MAN2A1: variants seen among roughly 807,000 people sequenced by gnomAD.
The protein encoded by MAN2A1 is alpha-mannosidase 2.
In MAN2A1, 76 loss-of-function variants were observed where a neutral mutation model predicts 142.6. That is an observed-to-expected ratio of 0.53 (90% CI 0.44 to 0.65). MAN2A1 has a LOEUF of 0.65. MAN2A1 is among the 30% of genes least tolerant of loss of function. The pLI is 0.00. For synonymous variants in MAN2A1, 559 were observed against 473.2 expected (o/e 1.18, Z -2.35); for missense variants, 1,311 against 1,365.1 (o/e 0.96, Z 0.62).
At chr5:109,705,004 A>G (rs1423132395) in intron 1 of MAN2A1, among the ~76,000 whole-genome samples, 3 of 152,092 alleles carry the variant, frequency 2.0e-5, no homozygotes, top group African/African-American at 7.2e-5. Flanking sequence ...CCATTCAGCT[A>G]TCTAATAGTT....
In MAN2A1 at chr5:109,866,939, A is replaced by G. The variant is rs748129604; in HGVS notation, c.3376A>G (p.Ile1126Val). The change falls in exon 22 of 22, where the codon ATA becomes GTA. Residue 1126 changes from isoleucine to valine, a missense_variant. Physicochemically the swap from Ile to Val is conservative, Grantham distance 29 (BLOSUM62 3). This residue lies in a region of MAN2A1 where 890 missense variants were observed against 920.5 expected (regional missense o/e 0.97). Transcript: ENST00000261483. Reference sequence around the variant, plus strand: ...GCATTCACCTCCCGGCACTCAGAATATAAGTGAGATCAACTTGAGTCCAAT... The same window carrying G: ...GCATTCACCTCCCGGCACTCAGAATGTAAGTGAGATCAACTTGAGTCCAAT... ...LMHSPPGTQN[I>V]SEINLSPMEI... 9 of 1,612,908 alleles carry G rather than the reference A, an allele frequency of 5.6e-6. No homozygotes were observed. Among genetic ancestry groups the G allele is most frequent in the East Asian group, 2.2e-5 (1 of 44,792 alleles).
chr5:109,719,063 T>C (rs1751532914), intron 3 of MAN2A1, among the ~76,000 whole-genome samples: 1 of 150,010 alleles, frequency 6.7e-6, no homozygotes, highest in Non-Finnish European at 1.5e-5. Flanking sequence ...GGGCAGGGAT[T>C]GCCCTCGATT....
Position 109,788,993 on chromosome 5 carries a change from T to A in MAN2A1, c.1820T>A (p.Ile607Asn). 1 of 1,607,608 alleles carries A rather than the reference T, an allele frequency of 6.2e-7. No individual in the cohort carries two copies. Among genetic ancestry groups the A allele is most frequent in the Non-Finnish European group, 8.5e-7 (1 of 1,175,332 alleles). ...KIIGNSAFLLILKDKLTYDSY... is the reference protein window; with the variant it reads ...KIIGNSAFLLNLKDKLTYDSY... ...ATTGGAAATTCTGCATTTCTTCTTATTTTGAAGGACAAACTCACATACGAC... is the reference window on the plus strand; with the variant it reads ...ATTGGAAATTCTGCATTTCTTCTTAATTTGAAGGACAAACTCACATACGAC... Residue 607 changes from isoleucine (I) to asparagine (N), a missense_variant, in exon 11 of 22, where the codon ATT (isoleucine) becomes AAT (asparagine). Physicochemically the swap from Ile to Asn is moderately radical, Grantham distance 149. This residue lies in a region of MAN2A1 where 890 missense variants were observed against 920.5 expected (regional missense o/e 0.97). Transcript: ENST00000261483.
intron 20 of MAN2A1, among the ~76,000 whole-genome samples, chr5:109,861,012 C>T (rs932965589): frequency 6.6e-6 from 1 of 152,078 alleles, no homozygotes; most frequent in Non-Finnish European, 1.5e-5. Flanking sequence ...AGCACAAATT[C>T]ATAGCTAGTG....
rs1334217694 is a variant in MAN2A1, at chr5:109,802,814, T to C, written c.1943+13287T>C. 3.9e-5 allele frequency among the ~76,000 whole-genome samples: 6 copies of C among 152,108 alleles called. No homozygotes were observed. The South Asian group carries it at 1.0e-3, about 26-fold the overall frequency. On this transcript the variant is annotated intron_variant, in intron 12 of 21. Transcript: ENST00000261483. ...AGTGTTGTAGCTTCCTAATTATACT[T>C]CAAGCTTCCCTCATCATCTGAATTC... is the stretch of plus-strand genomic sequence containing the variant.
chr5:109,734,635 A>G (rs1752029822), intron 4 of MAN2A1, among the ~76,000 whole-genome samples: 2 of 152,176 alleles, frequency 1.3e-5, no homozygotes, highest in East Asian at 3.9e-4. Context: ...TGTACCCAGT[A>G]GTCATTCAGG....
intron 8 of MAN2A1, among the ~76,000 whole-genome samples, chr5:109,779,283 T>C (rs955354694): frequency 6.6e-5 from 10 of 152,260 alleles, no homozygotes; most frequent in African/African-American, 2.2e-4. Context: ...AAAAACTAAT[T>C]GAAATATTTT....
intron 12 of MAN2A1, among the ~76,000 whole-genome samples, chr5:109,810,682 C>G (rs1177482176): frequency 6.6e-6 from 1 of 152,216 alleles, no homozygotes; most frequent in Non-Finnish European, 1.5e-5. Context: ...CAGCCTCTCC[C>G]TTGCTGAGAA....
At chr5:109,846,543 A>G (rs1249303138) in intron 18 of MAN2A1, among the ~76,000 whole-genome samples, 5 of 152,224 alleles carry the variant, frequency 3.3e-5, no homozygotes, top group African/African-American at 9.6e-5. Flanking sequence ...GAAAATAGTC[A>G]ATAGACACTG....
chr5:109,803,078 A>G (rs1754073164), intron 12 of MAN2A1, among the ~76,000 whole-genome samples: 1 of 152,088 alleles, frequency 6.6e-6, no homozygotes, highest in African/African-American at 2.4e-5. Context: ...CTTTAACAGC[A>G]TAGGATTTTA....
chr5:109,832,161 C>CTTTTTTTTTTTTTTTTTTTTTTTTTT (rs70999945), intron 16 of MAN2A1, among the ~76,000 whole-genome samples: 1 of 51,230 alleles, frequency 2.0e-5, no homozygotes, highest in Non-Finnish European at 3.7e-5. Context: ...AAGGAGTTTT[C>CTTTTTTTTTTTTTTTTTTTTTTTTTT]TTTTTTTTTT....
At chr5:109,762,709 A>G (rs145310768) in intron 5 of MAN2A1, among the ~76,000 whole-genome samples, 40 of 152,294 alleles carry the variant, frequency 2.6e-4, no homozygotes, top group African/African-American at 9.1e-4. Context: ...TATGACTCTT[A>G]GCATGTGATA....
At chr5:109,792,473 A>C (rs982393987) in intron 12 of MAN2A1, among the ~76,000 whole-genome samples, 1 of 152,088 alleles carries the variant, frequency 6.6e-6, no homozygotes, top group Non-Finnish European at 1.5e-5. Flanking sequence ...GAATCTAGCC[A>C]AAAACAGAGC....
At chr5:109,723,725 T>A (rs1237584684) in intron 3 of MAN2A1, among the ~76,000 whole-genome samples, 3 of 152,178 alleles carry the variant, frequency 2.0e-5, no homozygotes, top group Admixed American at 6.5e-5. Context: ...TATTTTTATA[T>A]TTATTTCTCA....
intron 4 of MAN2A1, among the ~76,000 whole-genome samples, chr5:109,748,280 T>C (rs938178862): frequency 1.3e-5 from 2 of 152,196 alleles, no homozygotes; most frequent in Non-Finnish European, 2.9e-5. Flanking sequence ...TCTTCTTATC[T>C]GATAGGTGAA....
chr5:109,703,340 C>G (rs1316015065), intron 1 of MAN2A1, among the ~76,000 whole-genome samples: 1 of 152,126 alleles, frequency 6.6e-6, no homozygotes, highest in African/African-American at 2.4e-5. Context: ...TGGATAGTGC[C>G]TAGTAACCTT....
chr5:109,796,538 A>G (rs942732128), intron 12 of MAN2A1, among the ~76,000 whole-genome samples: 1 of 152,058 alleles, frequency 6.6e-6, no homozygotes, highest in African/African-American at 2.4e-5. Context: ...CATATTTTGC[A>G]ATCAATTTGG....
intron 12 of MAN2A1, among the ~76,000 whole-genome samples, chr5:109,807,880 A>C (rs1175969126): frequency 2.0e-5 from 3 of 152,198 alleles, no homozygotes; most frequent in African/African-American, 7.2e-5. Context: ...CTAAGCTATC[A>C]ACTTGAAGCT....
At position 109,765,107 on chromosome 5, in the gene MAN2A1, A is replaced by T. The variant is rs544666196; in HGVS notation, c.836-2428A>T. On this transcript the variant is annotated intron_variant, in intron 5 of 21. Coordinates refer to ENST00000261483, the MANE Select transcript of MAN2A1 (RefSeq NM_002372.4). ...GATACAGTAGGACAGTGTAGTCCACAGGCTGTATTCAGATTTTGTCAATTA... is the reference window on the plus strand; with the variant it reads ...GATACAGTAGGACAGTGTAGTCCACTGGCTGTATTCAGATTTTGTCAATTA... 3.9e-5 allele frequency among the ~76,000 whole-genome samples: 6 copies of T among 152,294 alleles called. No homozygotes were observed. The South Asian group carries it at 1.2e-3, about 32-fold the overall frequency.
Sources: allele counts gnomAD v4.1 joint callset (sites outside exome capture counted in the v4.1 genomes callset), GRCh38; gene constraint gnomAD v4.1.1; regional missense constraint gnomAD v4.1.1; transcripts MANE v1.5; gene names NCBI Gene and HGNC (gene_info 2026-07-23, HGNC 2026-07-21).